MGST1: variants seen among roughly 807,000 people sequenced by gnomAD.
MGST1 encodes the protein microsomal glutathione S-transferase 1, also known as glutathione S-transferase 12.
A neutral mutation model predicts 8.9 loss-of-function variants in MGST1; 5 were observed. The observed-to-expected ratio is 0.56, with a 90% CI of 0.29 to 1.19. The LOEUF (loss-of-function observed/expected upper bound fraction) is 1.19, where lower values mean the gene tolerates loss of function less well. Among genes scored for constraint, MGST1 ranks in the 50% most tolerant of loss-of-function variants. The pLI is 0.08. For synonymous variants in MGST1, 54 were observed against 67.8 expected (o/e 0.80, Z 1.00); for missense variants, 182 against 187.4 (o/e 0.97, Z 0.17).
chr12:16,356,081 C>G (rs1939702656), intron 2 of MGST1, among the ~76,000 whole-genome samples: 1 of 152,136 alleles, frequency 6.6e-6, no homozygotes, highest in African/African-American at 2.4e-5. Context: ...AGACTTTAAT[C>G]TCATTCATGA....
intron 1 of MGST1, among the ~76,000 whole-genome samples, chr12:16,435,298 A>G (rs545818247): frequency 6.6e-5 from 10 of 152,116 alleles, no homozygotes; most frequent in Admixed American, 6.6e-4. Flanking sequence ...ACACTAATGA[A>G]TTATTATTCA....
intron 4 of MGST1, among the ~76,000 whole-genome samples, chr12:16,570,348 A>G (rs1041296491): frequency 2.0e-5 from 3 of 151,990 alleles, no homozygotes; most frequent in African/African-American, 7.2e-5. Context: ...CTTTCCATAC[A>G]CTATATATAA....
At chr12:16,518,787 G>A (rs1019121982) in intron 4 of MGST1, among the ~76,000 whole-genome samples, 5 of 152,126 alleles carry the variant, frequency 3.3e-5, no homozygotes, top group South Asian at 2.1e-4. Context: ...AGAAAACTAC[G>A]TGGTTTAGGT....
intron 1 of MGST1, among the ~76,000 whole-genome samples, chr12:16,417,003 T>C (rs1940792585): frequency 6.6e-6 from 1 of 152,188 alleles, no homozygotes; most frequent in African/African-American, 2.4e-5. Flanking sequence ...AATTCCTGTA[T>C]GGATTAATTA....
Position 16,500,949 on chromosome 12 carries a change from C to T in MGST1, n.483-88579C>T, listed in dbSNP as rs916220322. 9.2e-5 allele frequency among the ~76,000 whole-genome samples: 14 copies of T among 151,850 alleles called. No individual in the cohort carries two copies. The highest frequency in any genetic ancestry group is 1.6e-4 in the Non-Finnish European group (11 of 67,948). On this transcript the variant is annotated intron_variant and non_coding_transcript_variant, in intron 4 of 4. Transcript: ENST00000538857. The surrounding 1 kb of genome is among the most constrained non-coding windows in gnomAD (Gnocchi z 4.3). ...TGAAACCCTGTCTGTGCTGAAAATACAAAAAACTTAGCTGGGTATGGTGGT... is the reference window on the plus strand; with the variant it reads ...TGAAACCCTGTCTGTGCTGAAAATATAAAAAACTTAGCTGGGTATGGTGGT...
chr12:16,432,518 C>T (rs1940946884), intron 1 of MGST1, among the ~76,000 whole-genome samples: 1 of 151,978 alleles, frequency 6.6e-6, no homozygotes, highest in African/African-American at 2.4e-5. Flanking sequence ...TGATTTCTCC[C>T]TCATAGTAGC....
chr12:16,519,695 T>G (rs1004798030), intron 4 of MGST1, among the ~76,000 whole-genome samples: 4 of 152,212 alleles, frequency 2.6e-5, no homozygotes, highest in African/African-American at 9.6e-5. Flanking sequence ...TAACTCCACC[T>G]TTCTCATTAT....
intron 4 of MGST1, among the ~76,000 whole-genome samples, chr12:16,456,907 A>T (rs1474077027): frequency 6.6e-6 from 1 of 151,842 alleles, no homozygotes; most frequent in Non-Finnish European, 1.5e-5. Context: ...TTGAATGTTC[A>T]CCCTCTAACC....
At chr12:16,565,123 T>C (rs766280328) in intron 4 of MGST1, among the ~76,000 whole-genome samples, 9 of 152,170 alleles carry the variant, frequency 5.9e-5, no homozygotes, top group Non-Finnish European at 4.4e-5. Context: ...TAAGACTAGT[T>C]TAGTTATAAT....
intron 4 of MGST1, among the ~76,000 whole-genome samples, chr12:16,523,947 T>C (rs2137192962): frequency 6.6e-6 from 1 of 152,212 alleles, no homozygotes; most frequent in Admixed American, 6.6e-5. Context: ...ATTTATCGGT[T>C]TCATGCCCTT....
At chr12:16,478,405 C>A (rs1366918409) in intron 4 of MGST1, among the ~76,000 whole-genome samples, 4 of 150,670 alleles carry the variant, frequency 2.7e-5, no homozygotes, top group African/African-American at 9.7e-5. Context: ...AAAATAAATT[C>A]TTCTTATTTT....
At chr12:16,577,276 T>C (rs913530350) in intron 4 of MGST1, among the ~76,000 whole-genome samples, 37 of 152,266 alleles carry the variant, frequency 2.4e-4, no homozygotes, top group African/African-American at 8.9e-4. Context: ...CCGTAAACTT[T>C]CTTCTTTTTA....
chr12:16,355,995 A>G (rs1296713608), intron 2 of MGST1, among the ~76,000 whole-genome samples: 1 of 152,118 alleles, frequency 6.6e-6, no homozygotes, highest in Non-Finnish European at 1.5e-5. Context: ...CCATCTTCTC[A>G]TTGTATCCTC....
In MGST1 at chr12:16,384,665, C is replaced by T. The variant is rs183921539; in HGVS notation, n.778+1061C>T. 8.5e-5 allele frequency among the ~76,000 whole-genome samples: 13 copies of T among 152,364 alleles called. No individual in the cohort carries two copies. In the East Asian group the frequency reaches 2.5e-3, roughly 29 times the overall value. The stretch of plus-strand genomic sequence containing the variant: ...ATTTGGTATGAATTGCTCTAGAAAA[C>T]CAATATATCTCACTTATTATACCAA... On this transcript the variant is annotated intron_variant and non_coding_transcript_variant, in intron 1 of 1. Transcript: ENST00000359720.
At chr12:16,378,737 C>G (rs919195570), downstream of MGST1, among the ~76,000 whole-genome samples, 3 of 150,112 alleles carry the variant, frequency 2.0e-5, no homozygotes, top group Admixed American at 2.0e-4. Context: ...TTACCTTGGG[C>G]AGTATGGCCA....
In MGST1 at chr12:16,389,491, T is replaced by A. The variant is rs7962454; in HGVS notation, n.778+5887T>A. Among the ~76,000 whole-genome samples, 623 of 152,084 alleles carry A rather than the reference T, an allele frequency of 4.1e-3. 5 individuals carry two copies. The highest frequency in any genetic ancestry group is 0.014 in the African/African-American group (576 of 41,476). ...TGACGGCACGGAACATTGCTTACTC[T>A]TGAAATTCCAAACTCTTGAAATTTC... On this transcript the variant is annotated intron_variant and non_coding_transcript_variant, in intron 1 of 1. Coordinates refer to the MGST1 transcript ENST00000359720. This position sits in a 1 kb window ranked among gnomAD's most constrained non-coding sequence, Gnocchi z 4.6.
chr12:16,377,755 C>T (rs923177845), downstream of MGST1, among the ~76,000 whole-genome samples: 11 of 152,228 alleles, frequency 7.2e-5, no homozygotes, highest in Admixed American at 5.2e-4. Flanking sequence ...AGTTTACAGT[C>T]CCACTAACAG....
rs141652841 is a variant in MGST1, at chr12:16,503,624, T to G, written n.483-85904T>G. Reference sequence around the variant, plus strand: ...AGGACTTAATTCTGGAGGTAGGGCTTGAACCCCAGACCGAAAGGAGGGCTA... The same window carrying G: ...AGGACTTAATTCTGGAGGTAGGGCTGGAACCCCAGACCGAAAGGAGGGCTA... On this transcript the variant is annotated intron_variant and non_coding_transcript_variant, in intron 4 of 4. Coordinates refer to the MGST1 transcript ENST00000538857. The surrounding 1 kb of genome is among the most constrained non-coding windows in gnomAD (Gnocchi z 4.8). Among the ~76,000 whole-genome samples the G allele has an allele frequency of 3.0e-3, 463 of 152,230 alleles. 4 individuals are homozygous for G. Among genetic ancestry groups the G allele is most frequent in the African/African-American group, 0.011 (451 of 41,542 alleles).
At chr12:16,428,170 T>G (rs1940909177) in intron 1 of MGST1, among the ~76,000 whole-genome samples, 1 of 151,944 alleles carries the variant, frequency 6.6e-6, no homozygotes, top group African/African-American at 2.4e-5. Flanking sequence ...CTTCATAGCT[T>G]TTTCCAAACA....
Sources: allele counts gnomAD v4.1 joint callset (sites outside exome capture counted in the v4.1 genomes callset), GRCh38; gene constraint gnomAD v4.1.1; non-coding constraint Gnocchi (gnomAD v3.1); transcripts MANE v1.5; gene names NCBI Gene and HGNC (gene_info 2026-07-23, HGNC 2026-07-21).